The following ROBO1 variants were observed in gnomAD, a reference collection of about 807,000 sequenced individuals.
ROBO1 encodes roundabout homolog 1.
Under a neutral mutation model 195.9 loss-of-function variants are expected in ROBO1, and 149 were observed. The ratio of observed to expected loss-of-function variants is 0.76; its 90% confidence interval spans 0.67 to 0.87. ROBO1 has a LOEUF of 0.87. Among genes scored for constraint, ROBO1 ranks in the 40% least tolerant of loss-of-function variants. The pLI, the probability that ROBO1 is intolerant of heterozygous loss-of-function variation, is 0.00. For missense variants in ROBO1, 1,933 were observed against 2,068.3 expected, an observed-to-expected ratio of 0.93 and a Z score of 1.27; for synonymous variants, 816 against 733.2, an observed-to-expected ratio of 1.11 and a Z score of -1.82.
chr3:79,695,611 CA>C (rs373367957), intron 1 of ROBO1, among the ~76,000 whole-genome samples: 3 of 151,022 alleles, frequency 2.0e-5, no homozygotes, highest in Admixed American at 6.6e-5. Flanking sequence ...GTGGAGAATG[CA>C]AAAAACTCCA....
At chr3:78,995,131 G>C (rs1409015233) in intron 3 of ROBO1, among the ~76,000 whole-genome samples, 1 of 152,096 alleles carries the variant, frequency 6.6e-6, no homozygotes, top group Non-Finnish European at 1.5e-5. Flanking sequence ...ATCTGTAACT[G>C]AACAAAGAAT....
At chr3:79,182,101 C>T (rs1219853918) in intron 2 of ROBO1, among the ~76,000 whole-genome samples, 1 of 151,646 alleles carries the variant, frequency 6.6e-6, no homozygotes, top group African/African-American at 2.4e-5. Context: ...TTTGCTTTTT[C>T]CTTCTTCCAT....
chr3:79,616,161 C>CT (rs1188244025), intron 1 of ROBO1, among the ~76,000 whole-genome samples: 1 of 152,082 alleles, frequency 6.6e-6, no homozygotes, highest in Non-Finnish European at 1.5e-5. Flanking sequence ...AGGTGGTCAG[C>CT]TTGTGCAGGT....
At chr3:79,454,529 T>C (rs142188153) in intron 2 of ROBO1, among the ~76,000 whole-genome samples, 86 of 152,194 alleles carry the variant, frequency 5.7e-4, no homozygotes, top group Non-Finnish European at 8.1e-4. Context: ...CCTTCAAATT[T>C]CTAGTGATGC....
At chr3:78,962,688 G>A (rs1408606254) in intron 3 of ROBO1, among the ~76,000 whole-genome samples, 2 of 151,888 alleles carry the variant, frequency 1.3e-5, no homozygotes, top group Non-Finnish European at 1.5e-5. Context: ...AGCCAGGCGT[G>A]GTGGCGGCGC....
intron 1 of ROBO1, among the ~76,000 whole-genome samples, chr3:79,674,553 T>A (rs892021272): frequency 6.6e-6 from 1 of 151,968 alleles, no homozygotes; most frequent in African/African-American, 2.4e-5. Flanking sequence ...GCTTACAATG[T>A]TCATATCCTT....
intron 4 of ROBO1, among the ~76,000 whole-genome samples, chr3:78,776,001 T>C (rs1465698900): frequency 6.6e-6 from 1 of 152,194 alleles, no homozygotes; most frequent in East Asian, 1.9e-4. Context: ...CTTCTAAATA[T>C]AAAGCATGCC....
chr3:79,403,197 CT>C (rs1186907181), intron 2 of ROBO1, among the ~76,000 whole-genome samples: 1 of 151,860 alleles, frequency 6.6e-6, no homozygotes, highest in Non-Finnish European at 1.5e-5. Context: ...ATGCTAGTAA[CT>C]TTTTGGATTA....
chr3:79,565,998 A>G (rs1040937752), intron 2 of ROBO1, among the ~76,000 whole-genome samples: 1 of 152,114 alleles, frequency 6.6e-6, no homozygotes, highest in Non-Finnish European at 1.5e-5. Context: ...CAGCAAATAT[A>G]TAACTATTGG....
intron 2 of ROBO1, among the ~76,000 whole-genome samples, chr3:79,503,967 A>G (rs73848900): frequency 0.038 from 5,828 of 152,158 alleles, 398 homozygotes; most frequent in African/African-American, 0.13. Flanking sequence ...GAAGAAATTT[A>G]CTCCTGGTTG....
chr3:79,590,808 CATAG>C (rs66956366), intron 1 of ROBO1, among the ~76,000 whole-genome samples: 77,205 of 150,904 alleles, frequency 0.51, 21,213 homozygotes, highest in African/African-American at 0.73. Context: ...TCAATTTTAT[CATAG>C]ATAGGTAGAT....
At chr3:79,693,464 T>C (rs1947355060) in intron 1 of ROBO1, among the ~76,000 whole-genome samples, 1 of 151,518 alleles carries the variant, frequency 6.6e-6, no homozygotes, top group African/African-American at 2.4e-5. Flanking sequence ...GGGTCTTGGA[T>C]CTTGTTCTGT....
chr3:79,293,874 C>T (rs1416181949), intron 2 of ROBO1, among the ~76,000 whole-genome samples: 7 of 150,970 alleles, frequency 4.6e-5, no homozygotes, highest in South Asian at 4.2e-4. Flanking sequence ...CTGGCTAACA[C>T]GGTGAAACCC....
intron 10 of ROBO1, among the ~76,000 whole-genome samples, chr3:78,676,953 A>C (rs987573135): frequency 2.0e-5 from 3 of 152,170 alleles, no homozygotes; most frequent in East Asian, 1.9e-4. Flanking sequence ...CAAAGGGAAG[A>C]CCATCAGACT....
At chr3:79,438,963 A>AT (rs1177736925) in intron 2 of ROBO1, among the ~76,000 whole-genome samples, 3 of 152,076 alleles carry the variant, frequency 2.0e-5, no homozygotes, top group Admixed American at 6.6e-5. Flanking sequence ...GCATCAGTTC[A>AT]TTTGCTCATT....
intron 2 of ROBO1, among the ~76,000 whole-genome samples, chr3:79,565,183 T>C (rs1943051282): frequency 6.6e-6 from 1 of 152,116 alleles, no homozygotes; most frequent in Admixed American, 6.6e-5. Flanking sequence ...CACATTCATT[T>C]CCTTCTCTAC....
At chr3:78,945,320 A>C (rs1393212891) in intron 3 of ROBO1, among the ~76,000 whole-genome samples, 1 of 152,120 alleles carries the variant, frequency 6.6e-6, no homozygotes, top group East Asian at 1.9e-4. Context: ...CTGAGACAAA[A>C]CTTCCAGAGG....
At chr3:78,637,879 T>G (rs1207353563) in intron 22 of ROBO1, among the ~76,000 whole-genome samples, 3 of 151,934 alleles carry the variant, frequency 2.0e-5, no homozygotes, top group African/African-American at 7.3e-5. Context: ...ATCCAACTTC[T>G]CTCTCGCCTT....
intron 1 of ROBO1, among the ~76,000 whole-genome samples, chr3:79,763,065 C>T (rs1460740210): frequency 6.6e-6 from 1 of 152,078 alleles, no homozygotes; most frequent in Admixed American, 6.6e-5. Flanking sequence ...GCTTTGAATG[C>T]TTTCCTTTAG....
Sources: gnomAD v4.1 joint callset for allele counts (sites outside exome capture counted in the v4.1 genomes callset) on GRCh38, gnomAD v4.1.1 for gene constraint, MANE v1.5 for transcripts, NCBI Gene and HGNC (gene_info 2026-07-23, HGNC 2026-07-21) for gene names.